ABCC8: variants seen among roughly 807,000 people sequenced by gnomAD.
ABCC8 encodes ATP binding cassette subfamily C member 8, also known as ATP-binding cassette sub-family C member 8.
Under a neutral mutation model 188.0 loss-of-function variants are expected in ABCC8, and 137 were observed. That is an observed-to-expected ratio of 0.73 (90% CI 0.63 to 0.84). ABCC8 has a LOEUF of 0.84. Ranked by LOEUF, ABCC8 falls within the 40% of genes least tolerant of loss-of-function variation. The probability of loss-of-function intolerance (pLI) is 0.00; values close to 1 mark genes in which losing one functional copy is unlikely to be tolerated. For synonymous variants in ABCC8, 797 were observed against 846.5 expected (o/e 0.94, Z 1.01); for missense variants, 1,750 against 2,072.7 (o/e 0.84, Z 3.02).
At chr11:17,432,411 A>C in intron 10 of ABCC8, 167 bp from the exon 11 acceptor site, 1 of 1,414,024 alleles carries the variant, frequency 7.1e-7, no homozygotes, top group South Asian at 1.4e-5. Flanking sequence ...CCAGTTCCTC[A>C]CCCCATTTCC....
At chr11:17,474,391 G>T (rs1848641409) in intron 2 of ABCC8, among the ~76,000 whole-genome samples, 1 of 152,120 alleles carries the variant, frequency 6.6e-6, no homozygotes, top group Admixed American at 6.6e-5. Flanking sequence ...GTGCTGTGAG[G>T]CCCAAACGGA....
In ABCC8 at chr11:17,454,251, A is replaced by G. The variant is rs116201946; in HGVS notation, c.1012-968T>C. ...GCTCTCATTGGAGGCCTTTCCCTAG[A>G]GTCAGGGATTCCTGGATCTTGGATC... On this transcript the variant is annotated intron_variant, in intron 6 of 38. Transcript: ENST00000389817. 6.8e-3 allele frequency among the ~76,000 whole-genome samples: 1,029 copies of G among 152,258 alleles called. 10 individuals are homozygous for G. The highest frequency in any genetic ancestry group is 0.024 in the African/African-American group (986 of 41,538).
rs576688264 is a variant in ABCC8 at position 17,441,098 on chromosome 11, T to C, written c.1630+1622A>G. ...CTGGCACCAAAAGAACCAATTTTAG[T>C]TGGAGGAGGTGGTCGGTAGCCTCTC... On this transcript the variant is annotated intron_variant, in intron 10 of 38. Transcript: ENST00000389817. 5.9e-5 allele frequency among the ~76,000 whole-genome samples: 9 copies of C among 152,314 alleles called. 1 individual carries two copies. In the South Asian group the frequency reaches 1.7e-3, roughly 28 times the overall value.
At chr11:17,398,476 T>A in intron 29 of ABCC8, 35 bp from the exon 30 acceptor site, 1 of 1,612,994 alleles carries the variant, frequency 6.2e-7, no homozygotes, top group East Asian at 2.2e-5. Context: ...AAGGGAACAG[T>A]GTTGGTCCAC....
At chr11:17,469,719 T>G (rs931291791) in intron 3 of ABCC8, among the ~76,000 whole-genome samples, 3 of 152,162 alleles carry the variant, frequency 2.0e-5, no homozygotes, top group African/African-American at 7.2e-5. Flanking sequence ...CTTTGCCAAA[T>G]CTATCCCTAT....
intron 16 of ABCC8, among the ~76,000 whole-genome samples, chr11:17,425,953 G>T (rs1394029419): frequency 6.6e-6 from 1 of 150,778 alleles, no homozygotes; most frequent in Non-Finnish European, 1.5e-5. Flanking sequence ...TTCTGTTCCT[G>T]TGTGAGTTTG....
chr11:17,465,063 C>T (rs995002427), intron 3 of ABCC8, among the ~76,000 whole-genome samples: 1 of 152,222 alleles, frequency 6.6e-6, no homozygotes, highest in African/African-American at 2.4e-5. Context: ...GGGATCGATG[C>T]CATCCACCTT....
intron 22 of ABCC8, among the ~76,000 whole-genome samples, chr11:17,409,137 A>G (rs1239662135): frequency 8.0e-6 from 1 of 124,894 alleles, no homozygotes; most frequent in Non-Finnish European, 1.7e-5. Context: ...TTTTTTTTTT[A>G]TAGAGATAGG....
intron 6 of ABCC8, among the ~76,000 whole-genome samples, chr11:17,458,306 G>C (rs1219882867): frequency 3.3e-5 from 5 of 152,246 alleles, no homozygotes; most frequent in African/African-American, 1.2e-4. Context: ...ATTCCAATGA[G>C]ACGGTAATAA....
chr11:17,452,897 C>G (rs1483666572), intron 7 of ABCC8, among the ~76,000 whole-genome samples: 3 of 152,144 alleles, frequency 2.0e-5, no homozygotes, highest in Non-Finnish European at 4.4e-5. Flanking sequence ...AAGGCAGAAC[C>G]AGAGCCAGAG....
Position 17,410,649 on chromosome 11 carries a change from T to A in ABCC8, c.2561A>T (p.Asp854Val). The change falls in exon 22 of 39, where the codon GAC becomes GTC. Residue 854 changes from aspartate (D) to valine (V), a missense_variant. Transcript: ENST00000389817. ...ATGGATATCCAGAGCTGAGAAGGGGTCATCCTGGGCAGAAGGGAGAGGAAG... is the reference window on the plus strand; with the variant it reads ...ATGGATATCCAGAGCTGAGAAGGGGACATCCTGGGCAGAAGGGAGAGGAAG... ...YQHANVVFLDDPFSALDIHLS... is the reference protein window; with the variant it reads ...YQHANVVFLDVPFSALDIHLS... 6.2e-7 allele frequency: 1 copy of A among 1,613,686 alleles called. No individual in the cohort carries two copies. Among genetic ancestry groups the A allele is most frequent in the Non-Finnish European group, 8.5e-7 (1 of 1,179,886 alleles).
At chr11:17,446,259 C>G (rs1408761062) in intron 8 of ABCC8, among the ~76,000 whole-genome samples, 1 of 152,144 alleles carries the variant, frequency 6.6e-6, no homozygotes, top group Non-Finnish European at 1.5e-5. Flanking sequence ...AGCCACCATG[C>G]CTGGCCAACA....
chr11:17,402,371 G>A (rs1954289329), intron 29 of ABCC8, among the ~76,000 whole-genome samples: 1 of 152,184 alleles, frequency 6.6e-6, no homozygotes, highest in East Asian at 1.9e-4. Context: ...GCCCTTTCTA[G>A]CGTTGATACA....
intron 7 of ABCC8, among the ~76,000 whole-genome samples, chr11:17,449,537 G>A (rs1311352763): frequency 6.6e-6 from 1 of 152,234 alleles, no homozygotes; most frequent in Non-Finnish European, 1.5e-5. Flanking sequence ...ACAGAGAGCA[G>A]CCATGGTAAT....
intron 12 of ABCC8, 68 bp downstream of exon 12, chr11:17,430,746 C>T: frequency 6.4e-7 from 1 of 1,551,918 alleles, no homozygotes; most frequent in Non-Finnish European, 8.9e-7. Context: ...TTGGCCATCA[C>T]TCGAGCAAGC....
chr11:17,472,899 T>G (rs1848556758), intron 2 of ABCC8, among the ~76,000 whole-genome samples: 1 of 152,138 alleles, frequency 6.6e-6, no homozygotes, highest in East Asian at 1.9e-4. Context: ...CCAGGGACTA[T>G]GATGCTTGTT....
chr11:17,443,201 A>G lies in ABCC8; in HGVS notation c.1444T>C (p.Ser482Pro). ...ACCAGTGTGCTCCGCTGGGCCTGAG[A>G]CAGCTTGGTGGCCACGAAGTACTGG... ...PVQYFVATKL[S>P]QAQRSTLEYS... is the part of the protein sequence containing the mutation. Residue 482 changes from serine (S) to proline (P), a missense_variant, in exon 9 of 39, where the codon TCT (serine) becomes CCT (proline). By Grantham distance (74) the Ser-to-Pro change is moderately conservative. Transcript: ENST00000389817. 6.2e-7 allele frequency: 1 copy of G among 1,614,172 alleles called. No individual in the cohort carries two copies. The highest frequency in any genetic ancestry group is 8.5e-7 in the Non-Finnish European group (1 of 1,180,018).
chr11:17,427,979 G>A lies in ABCC8; in HGVS notation c.2041-37C>T. ...GTGTCCCACCGCCCAGGAGAGAACA[G>A]AAAGGCAGCCAGTTCCCAGTGAATA... On this transcript the variant is annotated intron_variant, in intron 14 of 38. Coordinates refer to ENST00000389817, the MANE Select transcript of ABCC8 (RefSeq NM_000352.6). The surrounding 1 kb of genome is among the most constrained non-coding windows in gnomAD (Gnocchi z 5.0). 6.2e-7 allele frequency: 1 copy of A among 1,607,356 alleles called. No homozygotes were observed. The highest frequency in any genetic ancestry group is 8.5e-7 in the Non-Finnish European group (1 of 1,176,730).
At chr11:17,458,055 A>G (rs904973390) in intron 6 of ABCC8, among the ~76,000 whole-genome samples, 5 of 152,078 alleles carry the variant, frequency 3.3e-5, no homozygotes, top group African/African-American at 1.2e-4. Flanking sequence ...CCTTTCCCCC[A>G]TTTTCTGAGC....
Sources: allele counts gnomAD v4.1 joint callset (sites outside exome capture counted in the v4.1 genomes callset), GRCh38; gene constraint gnomAD v4.1.1; non-coding constraint Gnocchi (gnomAD v3.1); transcripts MANE v1.5; gene names NCBI Gene and HGNC (gene_info 2026-07-23, HGNC 2026-07-21).